MAJIN: variants seen among roughly 807,000 people sequenced by gnomAD.
MAJIN encodes membrane anchored junction protein.
MAJIN carries 27 observed loss-of-function variants against 30.2 expected under a neutral mutation model. That is an observed-to-expected ratio of 0.89 (90% CI 0.66 to 1.23). The LOEUF is 1.23. Ranked by LOEUF, MAJIN falls within the 50% of genes most tolerant of loss-of-function variation. The pLI, the probability that MAJIN is intolerant of heterozygous loss-of-function variation, is 0.00. For synonymous variants in MAJIN, 78 were observed against 91.6 expected (o/e 0.85, Z 0.85); for missense variants, 253 against 260.3 (o/e 0.97, Z 0.19).
chr11:64,960,363 TACTTAC>T (rs1213044524), intron 1 of MAJIN, among the ~76,000 whole-genome samples: 1 of 152,182 alleles, frequency 6.6e-6, no homozygotes, highest in Admixed American at 6.5e-5. Context: ...TTGGTTTTCT[TACTTAC>T]ACAATAACAA....
At chr11:64,947,310 A>G (rs898099212) in intron 8 of MAJIN, 64 bp downstream of exon 8, 47 of 1,412,424 alleles carry the variant, frequency 3.3e-5, no homozygotes, top group Non-Finnish European at 4.0e-5. Flanking sequence ...GGATCAACCA[A>G]CAGTAATAGC....
intron 8 of MAJIN, among the ~76,000 whole-genome samples, chr11:64,943,440 C>T (rs1284193861): frequency 1.3e-5 from 2 of 152,206 alleles, no homozygotes; most frequent in African/African-American, 2.4e-5. Flanking sequence ...TGTTCAGACA[C>T]GCACATGCAC....
Position 64,950,429 on chromosome 11 carries a change from T to A in MAJIN, c.149A>T (p.Asp50Val). Reference sequence around the variant, plus strand: ...GTTTCCCAAGACCACGCGGACAGAATCCTGAAAAACATATTTGAAATGACT... The same window carrying A: ...GTTTCCCAAGACCACGCGGACAGAAACCTGAAAAACATATTTGAAATGACT... ...NKEVITQELE[D>V]SVRVVLGNLD... The change falls in exon 5 of 11, where the codon GAT (aspartate) becomes GTT (valine). Residue 50 changes from aspartate (D) to valine (V), a missense_variant and splice_region_variant. By Grantham distance (152) the Asp-to-Val change is radical (BLOSUM62 -3). Coordinates refer to ENST00000301896, the MANE Select transcript of MAJIN (RefSeq NM_001037225.3). 1 of 1,607,202 alleles carries A rather than the reference T, an allele frequency of 6.2e-7. No individual in the cohort carries two copies. The highest frequency in any genetic ancestry group is 8.5e-7 in the Non-Finnish European group (1 of 1,175,466).
intron 1 of MAJIN, among the ~76,000 whole-genome samples, chr11:64,961,988 TGTTGCCCA>T (rs898304886): frequency 1.3e-5 from 2 of 152,020 alleles, no homozygotes; most frequent in African/African-American, 2.4e-5. Flanking sequence ...GGTCTCACTA[TGTTGCCCA>T]GGCTAGTCTT....
At position 64,938,371 on chromosome 11, in the gene MAJIN, G is replaced by A. The variant is rs1945318565; in HGVS notation, c.*204C>T. 2 of 757,902 alleles carry A rather than the reference G, an allele frequency of 2.6e-6. No homozygotes were observed. Among genetic ancestry groups the A allele is most frequent in the South Asian group, 1.8e-5 (1 of 57,038 alleles). The allele number at this position is 757,902 out of a possible 1,614,324, so 46.9% of individuals were successfully genotyped here. A position where few individuals can be genotyped will look rare whatever the true frequency, so the allele number is the denominator to read the frequency against. ...GGGGGAAAAAATCTATTATAAAGGGGCAAAGGACACGATAAAACCACAGAG... is the reference window on the plus strand; with the variant it reads ...GGGGGAAAAAATCTATTATAAAGGGACAAAGGACACGATAAAACCACAGAG... On this transcript the variant is annotated 3_prime_UTR_variant, in exon 11 of 11. Transcript: ENST00000301896.
chr11:64,939,726 G>A lies in MAJIN; in HGVS notation c.588C>T (p.His196=), dbSNP rs766883280. 1.9e-6 allele frequency: 3 copies of A among 1,614,102 alleles called. No individual in the cohort carries two copies. The highest frequency in any genetic ancestry group is 1.7e-5 in the Admixed American group (1 of 60,016). Residue 196 remains histidine, a synonymous_variant, in exon 10 of 11, where the codon CAC becomes CAT. Transcript: ENST00000301896. ...GGTGGAGGTGAGTTGTGCTGCAGGGGTGGGACAATTCGCCCTGGCAGGCTG... is the reference window on the plus strand; with the variant it reads ...GGTGGAGGTGAGTTGTGCTGCAGGGATGGGACAATTCGCCCTGGCAGGCTG... ...GDTACQGELS[H]PCSTTHLHLR...
chr11:64,949,874 A>C lies in MAJIN; in HGVS notation c.224-6T>G, dbSNP rs748065665. On this transcript the variant is annotated splice_region_variant and splice_polypyrimidine_tract_variant and intron_variant, in intron 5 of 10. Transcript: ENST00000301896. The stretch of plus-strand genomic sequence containing the variant: ...TCTCTCCCATTTGCTTTTATCTGGA[A>C]AATGGTGCTAAGGAGTAAGGAAAGA... 6 of 1,601,764 alleles carry C rather than the reference A, an allele frequency of 3.7e-6. No individual in the cohort carries two copies. In the African/African-American group the frequency reaches 8.0e-5, roughly 21 times the overall value.
At chr11:64,947,517 G>A in intron 7 of MAJIN, 52 bp from the exon 8 acceptor site, 1 of 1,544,206 alleles carries the variant, frequency 6.5e-7, no homozygotes, top group Non-Finnish European at 8.9e-7. Flanking sequence ...GTTGCTCACA[G>A]TTCATGAAGG....
intron 4 of MAJIN, among the ~76,000 whole-genome samples, chr11:64,951,632 G>C (rs761536198): frequency 6.6e-4 from 101 of 152,120 alleles, no homozygotes; most frequent in Non-Finnish European, 4.4e-5. Context: ...GGGTGTGGTG[G>C]CACACGCCAG....
chr11:64,939,818 T>A (rs768042309), intron 9 of MAJIN, 51 bp from the exon 10 acceptor site: 1 of 1,551,858 alleles, frequency 6.4e-7, no homozygotes, highest in East Asian at 2.3e-5. Flanking sequence ...ATAGGCCGTT[T>A]TCATGTGAGT....
intron 4 of MAJIN, chr11:64,954,365 CTGT>C (rs1230733413): frequency 1.2e-5 from 4 of 338,150 alleles, no homozygotes; most frequent in Non-Finnish European, 2.2e-5. Context: ...GCAGCCTTGT[CTGT>C]GTATTTACAG....
chr11:64,952,905 A>G (rs527757960), intron 4 of MAJIN, among the ~76,000 whole-genome samples: 2 of 151,964 alleles, frequency 1.3e-5, no homozygotes, highest in Non-Finnish European at 2.9e-5. Context: ...GGGTTTCGCC[A>G]TGTTGGCCAG....
intron 6 of MAJIN, 39 bp from the exon 7 acceptor site, chr11:64,947,858 C>A: frequency 3.0e-5 from 37 of 1,216,242 alleles, no homozygotes; most frequent in Non-Finnish European, 4.1e-5. Flanking sequence ...AGATTTAAGA[C>A]TTTTTTTTTT....
chr11:64,941,822 T>C (rs1427978710), intron 8 of MAJIN, among the ~76,000 whole-genome samples: 2 of 152,106 alleles, frequency 1.3e-5, no homozygotes, highest in Non-Finnish European at 2.9e-5. Context: ...GATGTTGTCA[T>C]GACGGGGGTG....
intron 1 of MAJIN, among the ~76,000 whole-genome samples, chr11:64,971,168 C>G (rs939259183): frequency 6.6e-6 from 1 of 152,108 alleles, no homozygotes; most frequent in Non-Finnish European, 1.5e-5. Flanking sequence ...TGGCGGGCAC[C>G]TGCAATCCCA....
At chr11:64,950,544 G>T in intron 4 of MAJIN, 114 bp from the exon 5 acceptor site, 1 of 862,796 alleles carries the variant, frequency 1.2e-6, no homozygotes, top group Non-Finnish European at 1.8e-6. Context: ...ACTATTTGCT[G>T]TTCCTTTAAC....
At chr11:64,939,504 GC>G (rs1945340721) in intron 10 of MAJIN, among the ~76,000 whole-genome samples, 157 bp downstream of exon 10, 1 of 152,216 alleles carries the variant, frequency 6.6e-6, no homozygotes, top group South Asian at 2.1e-4. Context: ...CACAATTAGG[GC>G]TTTTGTTCTT....
intron 4 of MAJIN, among the ~76,000 whole-genome samples, chr11:64,953,415 C>T (rs889544977): frequency 2.6e-5 from 4 of 152,296 alleles, no homozygotes; most frequent in Admixed American, 6.5e-5. Flanking sequence ...TGTGTTCCCT[C>T]CTCTCTGTTA....
chr11:64,969,696 CTT>C (rs112203085), intron 1 of MAJIN, among the ~76,000 whole-genome samples: 1 of 145,300 alleles, frequency 6.9e-6, no homozygotes. Flanking sequence ...AAGACTCTGT[CTT>C]TTTTTTTTTT....
Sources: gnomAD v4.1 joint callset for allele counts (sites outside exome capture counted in the v4.1 genomes callset) on GRCh38, gnomAD v4.1.1 for gene constraint, MANE v1.5 for transcripts, NCBI Gene and HGNC (gene_info 2026-07-23, HGNC 2026-07-21) for gene names.